Variants in SLX4IP observed in about 807,000 individuals in gnomAD.
SLX4IP encodes the protein protein SLX4IP.
SLX4IP carries 34 observed loss-of-function variants against 32.9 expected under a neutral mutation model. That is an observed-to-expected ratio of 1.03 (90% CI 0.79 to 1.38). The LOEUF is 1.38. Ranked by LOEUF, SLX4IP falls within the 40% of genes most tolerant of loss-of-function variation. SLX4IP has a pLI of 0.00. For missense variants in SLX4IP, 444 were observed against 479.0 expected (o/e 0.93, Z 0.68); for synonymous variants, 172 against 171.7 (o/e 1.00, Z -0.01).
In SLX4IP at chr20:10,627,789, A is replaced by G. The variant is rs1441443567; in HGVS notation, c.*4410A>G. The G allele has an allele frequency of 6.6e-6, 1 of 152,174 alleles. No individual in the cohort carries two copies. Among genetic ancestry groups the G allele is most frequent in the Non-Finnish European group, 1.5e-5 (1 of 68,030 alleles). 9.4% of individuals were successfully genotyped at this position (152,174 alleles called of 1,614,324 possible). On this transcript the variant is annotated 3_prime_UTR_variant, in exon 8 of 8. Transcript: ENST00000334534. ...CAATAAAACCTTATGTTTGACCCTA[A>G]AGTATTTGATCAGGGAACAGAAGGT... is the stretch of plus-strand genomic sequence containing the variant.
intron 6 of SLX4IP, among the ~76,000 whole-genome samples, chr20:10,611,307 CA>C (rs1408453948): frequency 2.0e-5 from 3 of 152,202 alleles, no homozygotes; most frequent in African/African-American, 7.2e-5. Flanking sequence ...TTTTCATTTT[CA>C]CGAGACAGCA....
At chr20:10,449,051 GA>G (rs2065222696) in intron 1 of SLX4IP, among the ~76,000 whole-genome samples, 1 of 152,030 alleles carries the variant, frequency 6.6e-6, no homozygotes, top group Non-Finnish European at 1.5e-5. Flanking sequence ...ACCATATTTG[GA>G]ACTTAGCAGA....
At chr20:10,574,234 C>CA (rs149694016) in intron 4 of SLX4IP, among the ~76,000 whole-genome samples, 1 of 151,942 alleles carries the variant, frequency 6.6e-6, no homozygotes, top group South Asian at 2.1e-4. Context: ...AATTAAAATT[C>CA]AAAAAAACGT....
At chr20:10,572,949 G>A (rs1010904488) in intron 4 of SLX4IP, among the ~76,000 whole-genome samples, 2 of 152,166 alleles carry the variant, frequency 1.3e-5, no homozygotes, top group South Asian at 2.1e-4. Context: ...GTGTTCACAC[G>A]ACAAGAGGCG....
intron 2 of SLX4IP, among the ~76,000 whole-genome samples, chr20:10,488,084 G>T (rs1402592419): frequency 6.6e-6 from 1 of 151,994 alleles, no homozygotes; most frequent in African/African-American, 2.4e-5. Flanking sequence ...CTCTCCCCAG[G>T]TCCCAACAGA....
chr20:10,553,166 A>G (rs1647131410), intron 2 of SLX4IP, among the ~76,000 whole-genome samples: 1 of 152,164 alleles, frequency 6.6e-6, no homozygotes, highest in Admixed American at 6.5e-5. Flanking sequence ...TCAAAATATG[A>G]ATAATATTAG....
chr20:10,559,127 T>TA (rs113553367), intron 3 of SLX4IP, among the ~76,000 whole-genome samples: 4,380 of 146,286 alleles, frequency 0.03, 97 homozygotes, highest in Admixed American at 0.093. Context: ...AATTGTTTTT[T>TA]AAAAAAAAAA....
chr20:10,566,506 G>A (rs987366128), intron 4 of SLX4IP, among the ~76,000 whole-genome samples: 2 of 152,156 alleles, frequency 1.3e-5, no homozygotes, highest in Admixed American at 6.5e-5. Flanking sequence ...GGGATGGAAC[G>A]TAAACGTTTG....
chr20:10,445,933 CTTTT>C (rs749557514), intron 1 of SLX4IP, among the ~76,000 whole-genome samples: 2 of 60,710 alleles, frequency 3.3e-5, no homozygotes, highest in Admixed American at 1.6e-4. Flanking sequence ...GCTGAGATTG[CTTTT>C]TTTTTTTTTT....
At chr20:10,443,599 A>G (rs192023503) in intron 1 of SLX4IP, among the ~76,000 whole-genome samples, 2 of 152,200 alleles carry the variant, frequency 1.3e-5, no homozygotes, top group Admixed American at 6.5e-5. Context: ...GTTCAAGGAC[A>G]TGTGCCAGGA....
chr20:10,575,464 C>T (rs1217268836), intron 4 of SLX4IP, among the ~76,000 whole-genome samples: 1 of 152,174 alleles, frequency 6.6e-6, no homozygotes, highest in African/African-American at 2.4e-5. Context: ...TTTCCTTTGA[C>T]ACATTCCAGG....
intron 1 of SLX4IP, among the ~76,000 whole-genome samples, chr20:10,453,786 A>T (rs928046316): frequency 6.6e-5 from 10 of 152,022 alleles, no homozygotes; most frequent in Admixed American, 5.2e-4. Flanking sequence ...ACTGGGATAG[A>T]TGCTGTAATA....
At chr20:10,620,047 GCAC>G (rs2067089695) in intron 6 of SLX4IP, among the ~76,000 whole-genome samples, 1 of 152,166 alleles carries the variant, frequency 6.6e-6, no homozygotes, top group South Asian at 2.1e-4. Flanking sequence ...ATTAGGCAAA[GCAC>G]ATCCCCTCGG....
At chr20:10,530,251 G>A (rs1483918175) in intron 2 of SLX4IP, among the ~76,000 whole-genome samples, 3 of 152,156 alleles carry the variant, frequency 2.0e-5, no homozygotes, top group Non-Finnish European at 4.4e-5. Context: ...TCATTTGTTG[G>A]TTATTCTTTG....
chr20:10,605,578 C>T (rs1386483252), intron 6 of SLX4IP, among the ~76,000 whole-genome samples: 1 of 152,160 alleles, frequency 6.6e-6, no homozygotes, highest in Admixed American at 6.5e-5. Context: ...TAAACCGAAG[C>T]TCTCAAAGTC....
chr20:10,443,445 G>A (rs1357050114), intron 1 of SLX4IP, among the ~76,000 whole-genome samples: 1 of 152,172 alleles, frequency 6.6e-6, no homozygotes, highest in Non-Finnish European at 1.5e-5. Flanking sequence ...TCCCAGAGAA[G>A]GAGCAATTCA....
intron 2 of SLX4IP, among the ~76,000 whole-genome samples, chr20:10,511,396 T>C (rs2065807020): frequency 1.3e-5 from 2 of 152,172 alleles, no homozygotes; most frequent in South Asian, 2.1e-4. Context: ...CTGTCAGGGA[T>C]GTTGAACTCC....
At chr20:10,566,144 G>T (rs1174912194) in intron 4 of SLX4IP, among the ~76,000 whole-genome samples, 1 of 151,872 alleles carries the variant, frequency 6.6e-6, no homozygotes, top group East Asian at 1.9e-4. Flanking sequence ...TGTGTTCTTC[G>T]CCTGTAACTC....
chr20:10,624,067 A>G lies in SLX4IP; in HGVS notation c.*688A>G, dbSNP rs1568782000. The G allele has an allele frequency of 6.6e-6, 1 of 151,800 alleles. No individual in the cohort carries two copies. Among genetic ancestry groups the G allele is most frequent in the Non-Finnish European group, 1.5e-5 (1 of 68,036 alleles). The allele number at this position is 151,800 out of a possible 1,614,324, so 9.4% of individuals were successfully genotyped here. ...CAGATGTGCACATGCATCCCCTCGG[A>G]CTCCCTCAAACTCGTAAAACACTTG... On this transcript the variant is annotated 3_prime_UTR_variant, in exon 8 of 8. Transcript: ENST00000334534.
Sources: allele counts gnomAD v4.1 joint callset (sites outside exome capture counted in the v4.1 genomes callset), GRCh38; gene constraint gnomAD v4.1.1; transcripts MANE v1.5; gene names NCBI Gene and HGNC (gene_info 2026-07-23, HGNC 2026-07-21).